Variants in PRIM2 observed in about 807,000 individuals in gnomAD.
PRIM2 encodes DNA primase large subunit.
In PRIM2, 39 loss-of-function variants were observed where a neutral mutation model predicts 67.3. The observed-to-expected ratio is 0.58, with a 90% CI of 0.45 to 0.76. The LOEUF is 0.76. PRIM2 is among the 30% of genes least tolerant of loss of function. The pLI is 0.00. For missense variants in PRIM2, 398 were observed against 598.7 expected (o/e 0.66, Z 3.50); for synonymous variants, 143 against 198.7 (o/e 0.72, Z 2.36).
intron 7 of PRIM2, among the ~76,000 whole-genome samples, chr6:57,474,473 T>G (rs1304093397): frequency 1.6e-4 from 24 of 152,098 alleles, no homozygotes; most frequent in Non-Finnish European, 2.9e-4. Flanking sequence ...CGCGCCCAGC[T>G]TACTCTGCTA....
At chr6:57,558,327 T>C (rs1316228106) in intron 10 of PRIM2, among the ~76,000 whole-genome samples, 1,585 of 152,256 alleles carry the variant, frequency 0.01, 24 homozygotes, top group African/African-American at 0.035. Flanking sequence ...GAGTAAGATA[T>C]ATCTACCTAG....
chr6:57,553,159 G>A (rs1775437538), intron 10 of PRIM2, among the ~76,000 whole-genome samples: 1 of 152,068 alleles, frequency 6.6e-6, no homozygotes, highest in East Asian at 1.9e-4. Flanking sequence ...GGATTAAAGG[G>A]ATTTTTATTT....
the PRIM2 span, among the ~76,000 whole-genome samples, chr6:57,236,898 C>A: frequency 1.3e-5 from 2 of 152,130 alleles, no homozygotes; most frequent in Admixed American, 1.3e-4. Flanking sequence ...GTCCTTATAA[C>A]AGCATGATTT....
chr6:57,646,037 C>T lies in PRIM2; in HGVS notation c.1409C>T (p.Thr470Ile), dbSNP rs1469624810. ...DIKKEPIQPE[T>I]PQPKPSVQKT... is the part of the protein sequence containing the mutation. ...AAGAAGGAACCTATCCAACCAGAAA[C>T]TCCTCAACCCAAACCAAGTGTCCAG... Residue 470 changes from threonine (T) to isoleucine (I), a missense_variant, in exon 14 of 14, where the codon ACT becomes ATT. This residue lies in a region of PRIM2 where 72 missense variants were observed against 89.4 expected (regional missense o/e 0.81). Coordinates refer to ENST00000615550, the MANE Select transcript of PRIM2 (RefSeq NM_000947.5). 1.2e-6 allele frequency: 2 copies of T among 1,601,712 alleles called. No homozygotes were observed. Among genetic ancestry groups the T allele is most frequent in the Non-Finnish European group, 1.7e-6 (2 of 1,168,878 alleles).
chr6:57,437,645 A>G (rs1331850391), intron 7 of PRIM2, among the ~76,000 whole-genome samples: 3 of 147,794 alleles, frequency 2.0e-5, no homozygotes, highest in Non-Finnish European at 4.5e-5. Context: ...ACTAACAAAG[A>G]TCCTTGGGAA....
chr6:57,411,368 A>G (rs1421622495), intron 7 of PRIM2, among the ~76,000 whole-genome samples: 2 of 152,014 alleles, frequency 1.3e-5, no homozygotes, highest in Non-Finnish European at 2.9e-5. Context: ...AGGTAGGTGG[A>G]TTGCTTGAGC....
chr6:57,487,748 C>G (rs1229175820), intron 7 of PRIM2, among the ~76,000 whole-genome samples: 3 of 152,096 alleles, frequency 2.0e-5, no homozygotes, highest in Admixed American at 2.0e-4. Flanking sequence ...ATAATTGTCT[C>G]TAGGGTAAGC....
At chr6:57,431,625 C>T (rs868452703) in intron 7 of PRIM2, among the ~76,000 whole-genome samples, 9 of 151,604 alleles carry the variant, frequency 5.9e-5, no homozygotes, top group East Asian at 5.9e-4. Flanking sequence ...CCAGCCTGTT[C>T]GACAGAGAAA....
At chr6:57,457,986 C>T (rs1422882241) in intron 7 of PRIM2, among the ~76,000 whole-genome samples, 1 of 152,172 alleles carries the variant, frequency 6.6e-6, no homozygotes, top group African/African-American at 2.4e-5. Context: ...CTTAAAGTGT[C>T]TTAGATTCAT....
At chr6:57,231,491 A>G in the PRIM2 span, among the ~76,000 whole-genome samples, 187 of 152,338 alleles carry the variant, frequency 1.2e-3, no homozygotes, top group Non-Finnish European at 2.2e-3. Flanking sequence ...AAGATCTCTT[A>G]CAAGTCAATA....
intron 7 of PRIM2, among the ~76,000 whole-genome samples, chr6:57,409,292 C>T (rs183573581): frequency 3.3e-5 from 5 of 152,164 alleles, no homozygotes; most frequent in Admixed American, 2.0e-4. Context: ...TCTTCTGCCT[C>T]GGCCTCCCAA....
intron 7 of PRIM2, among the ~76,000 whole-genome samples, chr6:57,478,322 TTG>T (rs1267206446): frequency 1.4e-5 from 2 of 144,792 alleles, no homozygotes; most frequent in Non-Finnish European, 3.0e-5. Context: ...GTTGTTGTGG[TTG>T]TGTTTTTTTT....
the PRIM2 span, among the ~76,000 whole-genome samples, chr6:57,268,523 T>C: frequency 6.6e-6 from 1 of 152,152 alleles, no homozygotes; most frequent in African/African-American, 2.4e-5. Context: ...CAATCAATAT[T>C]TTTTAATTGA....
chr6:57,434,417 A>G (rs973011148), intron 7 of PRIM2, among the ~76,000 whole-genome samples: 3 of 151,930 alleles, frequency 2.0e-5, no homozygotes, highest in African/African-American at 7.3e-5. Context: ...AAAGCCATGT[A>G]ATTGATTAAA....
chr6:57,382,198 A>G, intron 7 of PRIM2, 30 bp downstream of exon 7: 1 of 1,605,220 alleles, frequency 6.2e-7, no homozygotes, highest in Non-Finnish European at 8.5e-7. Context: ...TCTGTATCTG[A>G]CATGTTCACA....
intron 8 of PRIM2, among the ~76,000 whole-genome samples, chr6:57,525,516 C>T (rs1774730026): frequency 2.6e-5 from 4 of 152,126 alleles, no homozygotes; most frequent in Non-Finnish European, 5.9e-5. Flanking sequence ...CCTTTGATCC[C>T]AGACTTCTAT....
At chr6:57,280,786 C>T in the PRIM2 span, among the ~76,000 whole-genome samples, 261 of 152,038 alleles carry the variant, frequency 1.7e-3, no homozygotes, top group African/African-American at 5.9e-3. Context: ...GGATTACAGG[C>T]GTGAGCCACC....
chr6:57,563,754 G>A (rs1428353450), intron 10 of PRIM2, among the ~76,000 whole-genome samples: 1 of 152,146 alleles, frequency 6.6e-6, no homozygotes, highest in Non-Finnish European at 1.5e-5. Flanking sequence ...CAATTCTCCT[G>A]TCTCCAAGCA....
At chr6:57,535,890 A>G (rs1294550920) in intron 9 of PRIM2, among the ~76,000 whole-genome samples, 1 of 152,194 alleles carries the variant, frequency 6.6e-6, no homozygotes, top group Admixed American at 6.5e-5. Flanking sequence ...GAAGAAAAAA[A>G]AAGAAAGGTA....
Sources: gnomAD v4.1 joint callset for allele counts (sites outside exome capture counted in the v4.1 genomes callset) on GRCh38, gnomAD v4.1.1 for gene constraint, gnomAD v4.1.1 regional missense constraint, MANE v1.5 for transcripts, NCBI Gene and HGNC (gene_info 2026-07-23, HGNC 2026-07-21) for gene names.